The following ADGRB2 variants were observed in gnomAD, a reference collection of about 807,000 sequenced individuals.
ADGRB2 encodes brain-specific angiogenesis inhibitor 2.
Under a neutral mutation model 178.7 loss-of-function variants are expected in ADGRB2, and 47 were observed. The observed-to-expected ratio is 0.26, with a 90% CI of 0.21 to 0.34. The LOEUF is 0.34. ADGRB2 is among the 10% of genes least tolerant of loss of function. The pLI, the probability that ADGRB2 is intolerant of heterozygous loss-of-function variation, is 1.00. For synonymous variants in ADGRB2, 870 were observed against 912.4 expected, an observed-to-expected ratio of 0.95 and a Z score of 0.84; for missense variants, 1,584 against 2,180.8, an observed-to-expected ratio of 0.73 and a Z score of 5.45.
At chr1:31,731,770 G>T (rs1311066240) in intron 28 of ADGRB2, among the ~76,000 whole-genome samples, 1 of 152,130 alleles carries the variant, frequency 6.6e-6, no homozygotes, top group Non-Finnish European at 1.5e-5. Context: ...AAAGATTCTG[G>T]TAAGAATCTG....
chr1:31,731,554 G>A, intron 28 of ADGRB2, 135 bp from the exon 29 acceptor site: 2 of 1,123,960 alleles, frequency 1.8e-6, no homozygotes, highest in Non-Finnish European at 2.4e-6. Flanking sequence ...AGATGGCTGG[G>A]TGGTTGGTAA....
At chr1:31,747,241 C>G (rs1332140586) in intron 4 of ADGRB2, among the ~76,000 whole-genome samples, 1 of 152,048 alleles carries the variant, frequency 6.6e-6, no homozygotes, top group East Asian at 1.9e-4. Context: ...CCTGCTGTTT[C>G]CCATATCAGG....
Position 31,742,791 on chromosome 1 carries a change from C to T in ADGRB2, c.1252+47G>A, listed in dbSNP as rs1399814896. The T allele has an allele frequency of 2.9e-6, 4 of 1,374,800 alleles. No individual in the cohort carries two copies. In the South Asian group the frequency reaches 5.3e-5, roughly 18 times the overall value. 85.2% of individuals were successfully genotyped at this position (1,374,800 alleles called of 1,614,324 possible). On this transcript the variant is annotated intron_variant, in intron 7 of 32. Transcript: ENST00000373658. ...TGCCTCCCCAGGTCTCCCGACCCCC[C>T]ACCGGGCTGGGCAGCGCCCTCATGG... is the stretch of plus-strand genomic sequence containing the variant.
chr1:31,736,706 C>T lies in ADGRB2; in HGVS notation c.2997G>A (p.Thr999=), dbSNP rs142177048. 1.1e-5 allele frequency: 17 copies of T among 1,613,754 alleles called. No individual in the cohort carries two copies. The highest frequency in any genetic ancestry group is 1.6e-4 in the Middle Eastern group (1 of 6,082). Residue 999 remains threonine, a synonymous_variant, in exon 21 of 33, where the codon ACG becomes ACA. Transcript: ENST00000373658. Reference sequence around the variant, plus strand: ...GAAAGAAGAAGTGCAGGAAGGCAGCCGTCATGGTGCACACGCCCTGCAGGG... The same window carrying T: ...GAAAGAAGAAGTGCAGGAAGGCAGCTGTCATGGTGCACACGCCCTGCAGGG... ...RVLSKGVCTM[T]AAFLHFFFLS... is the part of the protein sequence containing the mutation.
At chr1:31,729,830 G>A (rs1394199422) in intron 29 of ADGRB2, among the ~76,000 whole-genome samples, 2 of 152,232 alleles carry the variant, frequency 1.3e-5, no homozygotes, top group East Asian at 1.9e-4. Context: ...GCCCTTCTCC[G>A]ACACTGGCGT....
At position 31,728,473 on chromosome 1, in the gene ADGRB2, C is replaced by T. The variant is rs1645111045; in HGVS notation, c.4416+125G>A. On this transcript the variant is annotated intron_variant, in intron 30 of 32. Coordinates refer to ENST00000373658, the MANE Select transcript of ADGRB2 (RefSeq NM_001364857.2). This position sits in a 1 kb window ranked among gnomAD's most constrained non-coding sequence, Gnocchi z 6.7. ...GGAATCATGGGAAGATCCCACGGAACCCCCGGGCTTGGGCTCCTGGGGTCA... is the reference window on the plus strand; with the variant it reads ...GGAATCATGGGAAGATCCCACGGAATCCCCGGGCTTGGGCTCCTGGGGTCA... 2 of 1,469,872 alleles carry T rather than the reference C, an allele frequency of 1.4e-6. No individual in the cohort carries two copies. Among genetic ancestry groups the T allele is most frequent in the Non-Finnish European group, 1.9e-6 (2 of 1,051,970 alleles). 91.1% of individuals were successfully genotyped at this position (1,469,872 alleles called of 1,614,324 possible).
Position 31,754,345 on chromosome 1 carries a change from C to T in ADGRB2, c.838+1654G>A, listed in dbSNP as rs1421179778. ...CTCCGTCCACTGCAGATCACTGGACCGATGGACCGCAGGGAAAGCCAGACA... is the reference window on the plus strand; with the variant it reads ...CTCCGTCCACTGCAGATCACTGGACTGATGGACCGCAGGGAAAGCCAGACA... On this transcript the variant is annotated intron_variant, in intron 4 of 32. Transcript: ENST00000373658. The surrounding 1 kb of genome is among the most constrained non-coding windows in gnomAD (Gnocchi z 5.7). 1.3e-5 allele frequency among the ~76,000 whole-genome samples: 2 copies of T among 152,246 alleles called. No homozygotes were observed. The highest frequency in any genetic ancestry group is 1.3e-4 in the Admixed American group (2 of 15,290).
Position 31,732,960 on chromosome 1 carries a change from G to A in ADGRB2, c.3624+12C>T. 6.5e-7 allele frequency: 1 copy of A among 1,549,054 alleles called. No individual in the cohort carries two copies. Among genetic ancestry groups the A allele is most frequent in the Non-Finnish European group, 8.7e-7 (1 of 1,146,478 alleles). The stretch of plus-strand genomic sequence containing the variant: ...TGGTGGGCACACACAGGCGGGAGAG[G>A]CCCAGCCCCACCTCTCGGCGCAGGA... On this transcript the variant is annotated intron_variant, in intron 26 of 32. Coordinates refer to ENST00000373658, the MANE Select transcript of ADGRB2 (RefSeq NM_001364857.2).
rs1299100966 is a variant in ADGRB2 at position 31,759,617 on chromosome 1, T to A, written c.-190-2106A>T. ...TCTGGGATTTCGTCCTGGACATGCG[T>A]AACCCTCACTGTGCCGGCTATGACA... On this transcript the variant is annotated intron_variant, in intron 1 of 32. Transcript: ENST00000373658. This position sits in a 1 kb window ranked among gnomAD's most constrained non-coding sequence, Gnocchi z 4.3. 6.6e-6 allele frequency among the ~76,000 whole-genome samples: 1 copy of A among 152,226 alleles called. No homozygotes were observed. Among genetic ancestry groups the A allele is most frequent in the Non-Finnish European group, 1.5e-5 (1 of 68,046 alleles).
rs1645878095 is a variant in ADGRB2 at position 31,740,472 on chromosome 1, G to A, written c.1864C>T (p.Leu622=). The stretch of plus-strand genomic sequence containing the variant: ...GTGCGCCGGGCCAGTAGCTCCTGCA[G>A]GCTGCGCACCACCTGCGACATGCCC... ...GEGMSQVVRS[L]QELLARRTYY... Residue 622 remains leucine, a synonymous_variant, in exon 12 of 33, where the codon CTG becomes TTG. Coordinates refer to ENST00000373658, the MANE Select transcript of ADGRB2 (RefSeq NM_001364857.2). The surrounding 1 kb of genome is among the most constrained non-coding windows in gnomAD (Gnocchi z 5.9). 2.5e-6 allele frequency: 4 copies of A among 1,613,528 alleles called. No individual in the cohort carries two copies.
intron 29 of ADGRB2, among the ~76,000 whole-genome samples, chr1:31,729,019 G>A (rs1645143102): frequency 1.3e-5 from 2 of 152,014 alleles, no homozygotes. Flanking sequence ...CACTTGTCCT[G>A]CAAACACAGG....
At position 31,730,886 on chromosome 1, in the gene ADGRB2, C is replaced by T. The variant is rs756351722; in HGVS notation, c.4294G>A (p.Ala1432Thr). The T allele has an allele frequency of 3.7e-5, 58 of 1,573,890 alleles. 4 individuals carry two copies. The Admixed American group carries it at 9.6e-4, about 26-fold the overall frequency. ...TFQPPPPTPS[A>T]RQVPEPGERS... ...TCCCCTGGCTCGGGCACTTGGCGGG[C>T]GCTGGGTGTCGGCGGTGGCGGTTGG... is the stretch of plus-strand genomic sequence containing the variant. Residue 1432 changes from alanine (A) to threonine (T), a missense_variant, in exon 29 of 33, where the codon GCC becomes ACC. Coordinates refer to ENST00000373658, the MANE Select transcript of ADGRB2 (RefSeq NM_001364857.2).
Position 31,727,568 on chromosome 1 carries a change from T to C in ADGRB2, c.4610A>G (p.Gln1537Arg). The C allele has an allele frequency of 6.4e-7, 1 of 1,567,770 alleles. No homozygotes were observed. The highest frequency in any genetic ancestry group is 8.6e-7 in the Non-Finnish European group (1 of 1,163,920). ...GCTCCAGCTCTGATGGCGCCGATGTTGGGACAAGCTGGGGCGCTCCCCAGG... is the reference window on the plus strand; with the variant it reads ...GCTCCAGCTCTGATGGCGCCGATGTCGGGACAAGCTGGGGCGCTCCCCAGG... ...PSPGERPSLS[Q>R]HRRHQSWSTF... is the part of the protein sequence containing the mutation. Residue 1537 changes from glutamine (Q) to arginine (R), a missense_variant, in exon 33 of 33, where the codon CAA becomes CGA. By Grantham distance (43) the Gln-to-Arg change is conservative. Coordinates refer to ENST00000373658, the MANE Select transcript of ADGRB2 (RefSeq NM_001364857.2). The surrounding 1 kb of genome is among the most constrained non-coding windows in gnomAD (Gnocchi z 4.4).
At chr1:31,757,009 C>T (rs1385348424) in intron 3 of ADGRB2, among the ~76,000 whole-genome samples, 192 bp downstream of exon 3, 1 of 152,156 alleles carries the variant, frequency 6.6e-6, no homozygotes, top group Admixed American at 6.5e-5. Context: ...GTAAAATGGA[C>T]CAATGATAGG....
At position 31,744,648 on chromosome 1, in the gene ADGRB2, C is replaced by T. The variant is rs1646184053; in HGVS notation, c.922G>A (p.Gly308Ser). The change falls in exon 5 of 33, where the codon GGC (glycine) becomes AGC (serine). Residue 308 changes from glycine (G) to serine (S), a missense_variant and splice_region_variant. Physicochemically the swap from Gly to Ser is moderately conservative, Grantham distance 56 (BLOSUM62 0). Transcript: ENST00000373658. This position sits in a 1 kb window ranked among gnomAD's most constrained non-coding sequence, Gnocchi z 6.7. ...DEPGLYMAQT[G>S]DPAAEEWSPW... ...AGGAAGGGAGGCGGGCCCGAGTTAC[C>T]TGTCTGCGCCATGTATAGCCCAGGC... The T allele has an allele frequency of 6.2e-7, 1 of 1,613,994 alleles. No homozygotes were observed. The highest frequency in any genetic ancestry group is 1.3e-5 in the African/African-American group (1 of 74,934).
In ADGRB2 at chr1:31,740,649, G is replaced by A. The variant is rs1645890248; in HGVS notation, c.1795-108C>T. The A allele has an allele frequency of 8.0e-7, 1 of 1,243,420 alleles. No homozygotes were observed. The highest frequency in any genetic ancestry group is 2.9e-5 in the Admixed American group (1 of 34,420). The allele number at this position is 1,243,420 out of a possible 1,614,324, so 77.0% of individuals were successfully genotyped here. On this transcript the variant is annotated intron_variant, in intron 11 of 32. Coordinates refer to ENST00000373658, the MANE Select transcript of ADGRB2 (RefSeq NM_001364857.2). The surrounding 1 kb of genome is among the most constrained non-coding windows in gnomAD (Gnocchi z 5.9). ...CTGCTTGCATCCACGGGGAGAGAAA[G>A]GGGGAAAAGGTCAGAGAGGCTCAAA...
Position 31,744,423 on chromosome 1 carries a change from G to A in ADGRB2, c.923-66C>T. On this transcript the variant is annotated intron_variant, in intron 5 of 32. Transcript: ENST00000373658. This position sits in a 1 kb window ranked among gnomAD's most constrained non-coding sequence, Gnocchi z 6.7. ...CAAGCACTCAGTCTCATAGGGATAG[G>A]GGGAGTGGCAGTAAGGTGGGGGCAG... 2.0e-6 allele frequency: 3 copies of A among 1,531,070 alleles called. No individual in the cohort carries two copies. Among genetic ancestry groups the A allele is most frequent in the East Asian group, 2.5e-5 (1 of 40,750 alleles). The allele number at this position is 1,531,070 out of a possible 1,614,324, so 94.8% of individuals were successfully genotyped here.
rs1176823956 is a variant in ADGRB2, at chr1:31,732,520, G to C, written c.3717C>G (p.Ile1239Met). 1.9e-6 allele frequency: 3 copies of C among 1,614,026 alleles called. No individual in the cohort carries two copies. The highest frequency in any genetic ancestry group is 1.7e-5 in the Admixed American group (1 of 60,006). ...CCTGCCCAGGCCCCTAACTCACCAG[G>C]ATCTGCAGCTGCCCGTTCTTACACG... ...PDSCKNGQLQ[I>M]LSDFEKDVDL... is the part of the protein sequence containing the mutation. Residue 1239 changes from isoleucine to methionine, a missense_variant, in exon 27 of 33, where the codon ATC (isoleucine) becomes ATG (methionine). By Grantham distance (10) the Ile-to-Met change is conservative (BLOSUM62 1). Around this residue, in one of 3 missense-constraint regions of ADGRB2, gnomAD observed 865 missense variants for 1,192.8 expected, o/e 0.73. Transcript: ENST00000373658.
chr1:31,739,854 A>G, intron 14 of ADGRB2, 72 bp downstream of exon 14: 1 of 1,397,658 alleles, frequency 7.2e-7, no homozygotes, highest in Non-Finnish European at 1.0e-6. Flanking sequence ...ATACGGGGTT[A>G]GGTAGAGGAA....
Sources: allele counts gnomAD v4.1 joint callset (sites outside exome capture counted in the v4.1 genomes callset), GRCh38; gene constraint gnomAD v4.1.1; regional missense constraint gnomAD v4.1.1; non-coding constraint Gnocchi (gnomAD v3.1); transcripts MANE v1.5; gene names NCBI Gene and HGNC (gene_info 2026-07-23, HGNC 2026-07-21).